PAIP1: variants seen among roughly 807,000 people sequenced by gnomAD.
PAIP1 encodes polyadenylate-binding protein-interacting protein 1.
PAIP1 carries 16 observed loss-of-function variants against 61.3 expected under a neutral mutation model. The observed-to-expected ratio is 0.26, with a 90% CI of 0.18 to 0.40. The LOEUF is 0.40. Among genes scored for constraint, PAIP1 ranks in the 10% least tolerant of loss-of-function variants. PAIP1 has a pLI of 1.00. For missense variants in PAIP1, 416 were observed against 600.9 expected (o/e 0.69, Z 3.22); for synonymous variants, 187 against 226.2 (o/e 0.83, Z 1.56).
chr5:43,536,998 T>C, intron 5 of PAIP1, 54 bp from the exon 6 acceptor site: 15 of 1,347,528 alleles, frequency 1.1e-5, no homozygotes, highest in South Asian at 1.4e-5. Context: ...ATAATACAGA[T>C]ACATAAATGA....
chr5:43,533,882 C>A, intron 8 of PAIP1, 90 bp from the exon 9 acceptor site: 1 of 798,544 alleles, frequency 1.3e-6, no homozygotes, highest in Non-Finnish European at 2.2e-6. Flanking sequence ...TGTCACCCGT[C>A]TGCACCTAAT....
intron 10 of PAIP1, 23 bp from the exon 11 acceptor site, chr5:43,527,492 TA>T (rs763388050): frequency 1.3e-6 from 2 of 1,588,962 alleles, no homozygotes; most frequent in Admixed American, 3.5e-5. Context: ...AGATGATTCA[TA>T]AGTGTAAGGT....
Position 43,556,718 on chromosome 5 carries a change from G to C in PAIP1, c.129C>G (p.His43Gln), listed in dbSNP as rs571448156. ...CCGGGGCTTTGGGTTGCGGCGGCTGGTGCCGCGCCCGCTCAGCAGGCCCCG... is the reference window on the plus strand; with the variant it reads ...CCGGGGCTTTGGGTTGCGGCGGCTGCTGCCGCGCCCGCTCAGCAGGCCCCG... ...NGAGPAERAR[H>Q]QPPQPKAPGF... Residue 43 changes from histidine (H) to glutamine (Q), a missense_variant, in exon 1 of 11, where the codon CAC (histidine) becomes CAG (glutamine). His to Gln is a conservative substitution (Grantham distance 24). Around this residue, in one of 4 missense-constraint regions of PAIP1, gnomAD observed 97 missense variants for 89.5 expected, o/e 1.08. Coordinates refer to ENST00000306846, the MANE Select transcript of PAIP1 (RefSeq NM_006451.5). The C allele has an allele frequency of 2.2e-6, 3 of 1,341,696 alleles. No individual in the cohort carries two copies. The highest frequency in any genetic ancestry group is 1.5e-5 in the African/African-American group (1 of 65,362). The allele number at this position is 1,341,696 out of a possible 1,614,324, so 83.1% of individuals were successfully genotyped here. A position where few individuals can be genotyped will look rare whatever the true frequency, so the allele number is the denominator to read the frequency against.
intron 2 of PAIP1, among the ~76,000 whole-genome samples, chr5:43,551,338 C>A (rs935354781): frequency 6.6e-6 from 1 of 152,138 alleles, no homozygotes; most frequent in African/African-American, 2.4e-5. Flanking sequence ...ATCCACGTAA[C>A]AATCCATTAA....
At chr5:43,527,520 T>A in intron 10 of PAIP1, 51 bp from the exon 11 acceptor site, 3 of 1,484,420 alleles carry the variant, frequency 2.0e-6, no homozygotes, top group Non-Finnish European at 2.8e-6. Flanking sequence ...ACTCAGAAAG[T>A]AAGATGCTAA....
At chr5:43,544,018 C>T (rs1747531043) in intron 3 of PAIP1, among the ~76,000 whole-genome samples, 1 of 151,960 alleles carries the variant, frequency 6.6e-6, no homozygotes, top group South Asian at 2.1e-4. Context: ...GTAGCATGCA[C>T]CGTAGTCCCA....
intron 9 of PAIP1, among the ~76,000 whole-genome samples, chr5:43,530,160 A>ACCAG (rs1746881016): frequency 6.6e-6 from 1 of 152,228 alleles, no homozygotes; most frequent in African/African-American, 2.4e-5. Context: ...CATTGGAAAG[A>ACCAG]TATTAATCAA....
rs371698830 is a variant in PAIP1, at chr5:43,543,127, G to C, written c.622-11C>G. On this transcript the variant is annotated splice_polypyrimidine_tract_variant and intron_variant, in intron 3 of 10. Coordinates refer to ENST00000306846, the MANE Select transcript of PAIP1 (RefSeq NM_006451.5). Reference sequence around the variant, plus strand: ...TGGGATAGATGTGGCCTTTTAAAAAGAAGAAAAGTGTTATATGACATAGGT... The same window carrying C: ...TGGGATAGATGTGGCCTTTTAAAAACAAGAAAAGTGTTATATGACATAGGT... 6.7e-6 allele frequency: 9 copies of C among 1,351,464 alleles called. No individual in the cohort carries two copies. Among genetic ancestry groups the C allele is most frequent in the East Asian group, 4.6e-5 (2 of 43,496 alleles). 83.7% of individuals were successfully genotyped at this position (1,351,464 alleles called of 1,614,324 possible). A position where few individuals can be genotyped will look rare whatever the true frequency, so the allele number is the denominator to read the frequency against.
At chr5:43,543,310 C>CAAAAAAAAAAAAA (rs11427976) in intron 3 of PAIP1, among the ~76,000 whole-genome samples, 194 bp from the exon 4 acceptor site, 38 of 95,792 alleles carry the variant, frequency 4.0e-4, no homozygotes, top group East Asian at 7.0e-4. Flanking sequence ...ACAATAAGTA[C>CAAAAAAAAAAAAA]AAAAAAAAAA....
chr5:43,555,838 T>G lies in PAIP1; in HGVS notation c.427A>C (p.Ser143Arg). ...AAAAAGGGTGTACTTACTGTGTAAC[T>G]GGAAGAATAACCTGAAGGGTAAAAT... ...PEFYPSGYSS[S>R]YTESYEDGCE... The change falls in exon 2 of 11, where the codon AGT becomes CGT. Residue 143 changes from serine (S) to arginine (R), a missense_variant. Transcript: ENST00000306846. 1 of 1,610,230 alleles carries G rather than the reference T, an allele frequency of 6.2e-7. No homozygotes were observed. Among genetic ancestry groups the G allele is most frequent in the Non-Finnish European group, 8.5e-7 (1 of 1,178,778 alleles).
At chr5:43,546,836 A>C (rs1747654121) in intron 3 of PAIP1, among the ~76,000 whole-genome samples, 1 of 152,002 alleles carries the variant, frequency 6.6e-6, no homozygotes, top group South Asian at 2.1e-4. Flanking sequence ...TGCGGTCAGG[A>C]GTTCGAGACC....
chr5:43,541,015 A>G (rs978104728), intron 4 of PAIP1, among the ~76,000 whole-genome samples: 18 of 151,914 alleles, frequency 1.2e-4, no homozygotes, highest in African/African-American at 4.4e-4. Context: ...TACAGAAGCT[A>G]TAATTTGTGT....
intron 9 of PAIP1, among the ~76,000 whole-genome samples, chr5:43,530,157 A>C (rs1473309521): frequency 1.3e-5 from 2 of 152,250 alleles, no homozygotes; most frequent in Non-Finnish European, 1.5e-5. Flanking sequence ...TTCCATTGGA[A>C]AGATATTAAT....
intron 4 of PAIP1, among the ~76,000 whole-genome samples, chr5:43,540,033 T>C (rs1422008794): frequency 6.6e-6 from 1 of 152,210 alleles, no homozygotes; most frequent in Non-Finnish European, 1.5e-5. Context: ...TAGGTTGACT[T>C]TGTAAACAAT....
chr5:43,527,565 G>T, intron 10 of PAIP1, 96 bp from the exon 11 acceptor site: 1 of 1,124,574 alleles, frequency 8.9e-7, no homozygotes, highest in Non-Finnish European at 1.3e-6. Context: ...AACTTTCCTA[G>T]ACTGACTTAT....
chr5:43,553,275 G>A (rs1457944188), intron 2 of PAIP1, among the ~76,000 whole-genome samples: 3 of 152,184 alleles, frequency 2.0e-5, no homozygotes, highest in Admixed American at 1.3e-4. Context: ...AGGATTAGAG[G>A]AAGAACTGAA....
chr5:43,545,167 TTTC>T (rs1253409826), intron 3 of PAIP1, among the ~76,000 whole-genome samples: 4 of 152,346 alleles, frequency 2.6e-5, no homozygotes, highest in South Asian at 4.1e-4. Context: ...ACTCTGTAAA[TTTC>T]TTCTTATGTC....
intron 3 of PAIP1, among the ~76,000 whole-genome samples, chr5:43,545,673 C>G (rs894711017): frequency 3.3e-5 from 5 of 152,166 alleles, no homozygotes; most frequent in African/African-American, 4.8e-5. Context: ...TTTTCTTTTC[C>G]TCTTCTCTGT....
At chr5:43,530,937 T>C (rs1298563094) in intron 9 of PAIP1, among the ~76,000 whole-genome samples, 5 of 151,788 alleles carry the variant, frequency 3.3e-5, no homozygotes, top group Non-Finnish European at 7.4e-5. Context: ...GAAAATGAAA[T>C]CCATGCTCCA....
Sources: allele counts gnomAD v4.1 joint callset (sites outside exome capture counted in the v4.1 genomes callset), GRCh38; gene constraint gnomAD v4.1.1; regional missense constraint gnomAD v4.1.1; transcripts MANE v1.5; gene names NCBI Gene and HGNC (gene_info 2026-07-23, HGNC 2026-07-21).